Variants in ABCC4 observed in about 807,000 individuals in gnomAD.
ABCC4 encodes ATP-binding cassette sub-family C member 4.
A neutral mutation model predicts 168.5 loss-of-function variants in ABCC4; 102 were observed. That is an observed-to-expected ratio of 0.61 (90% CI 0.52 to 0.71). The LOEUF is 0.71. Among genes scored for constraint, ABCC4 ranks in the 30% least tolerant of loss-of-function variants. ABCC4 has a pLI of 0.00. For synonymous variants in ABCC4, 617 were observed against 590.7 expected, an observed-to-expected ratio of 1.04 and a Z score of -0.65; for missense variants, 1,402 against 1,605.8, an observed-to-expected ratio of 0.87 and a Z score of 2.17.
chr13:95,129,457 T>C (rs988593931), intron 19 of ABCC4, among the ~76,000 whole-genome samples: 2 of 152,212 alleles, frequency 1.3e-5, no homozygotes, highest in Non-Finnish European at 2.9e-5. Context: ...ATAATGGACA[T>C]GTTGTGGATA....
chr13:95,154,197 G>T (rs1287583302), intron 19 of ABCC4, among the ~76,000 whole-genome samples: 1 of 152,110 alleles, frequency 6.6e-6, no homozygotes, highest in Admixed American at 6.5e-5. Flanking sequence ...GGAAATGTGT[G>T]TTTTTGTTTT....
At chr13:95,116,795 A>G (rs183432270) in intron 19 of ABCC4, among the ~76,000 whole-genome samples, 8 of 152,358 alleles carry the variant, frequency 5.3e-5, no homozygotes, top group African/African-American at 1.9e-4. Flanking sequence ...CTTCAAAAAA[A>G]TGGAAGCTAT....
At position 95,171,743 on chromosome 13, in the gene ABCC4, T is replaced by C. The variant is rs191531250; in HGVS notation, c.1728-1115A>G. 5.2e-3 allele frequency among the ~76,000 whole-genome samples: 787 copies of C among 152,326 alleles called. 25 individuals carry two copies. The highest frequency in any genetic ancestry group is 0.046 in the Admixed American group (703 of 15,298). On this transcript the variant is annotated intron_variant, in intron 13 of 30. Transcript: ENST00000645237. Reference sequence around the variant, plus strand: ...AAGCAAGTATTTTAGAGACAGTGCCTGTGATCAGAACCACAACTCCAGACT... The same window carrying C: ...AAGCAAGTATTTTAGAGACAGTGCCCGTGATCAGAACCACAACTCCAGACT...
intron 1 of ABCC4, among the ~76,000 whole-genome samples, chr13:95,276,816 C>T (rs1179824573): frequency 6.6e-6 from 1 of 152,068 alleles, no homozygotes; most frequent in Non-Finnish European, 1.5e-5. Context: ...GCCAGGAGTC[C>T]GAGACCAGCC....
intron 19 of ABCC4, among the ~76,000 whole-genome samples, chr13:95,117,116 T>C (rs1260858688): frequency 6.6e-6 from 1 of 152,120 alleles, no homozygotes; most frequent in African/African-American, 2.4e-5. Flanking sequence ...TCAATTTTCT[T>C]GTCTCAGGCT....
intron 7 of ABCC4, among the ~76,000 whole-genome samples, chr13:95,207,376 G>A (rs2038812372): frequency 6.6e-6 from 1 of 152,182 alleles, no homozygotes; most frequent in South Asian, 2.1e-4. Context: ...GTATTTCCAT[G>A]CCTGTTTGGA....
At chr13:95,065,921 C>G (rs563484049) in intron 25 of ABCC4, among the ~76,000 whole-genome samples, 1 of 152,216 alleles carries the variant, frequency 6.6e-6, no homozygotes, top group Non-Finnish European at 1.5e-5. Flanking sequence ...AGGCCTTCAG[C>G]GTCTTCCCCG....
At chr13:95,171,020 A>C (rs1338717378) in intron 13 of ABCC4, among the ~76,000 whole-genome samples, 1 of 151,994 alleles carries the variant, frequency 6.6e-6, no homozygotes, top group Non-Finnish European at 1.5e-5. Flanking sequence ...ACGGTTTCTT[A>C]GATGATAATT....
At chr13:95,214,902 A>C (rs1389393805) in intron 4 of ABCC4, among the ~76,000 whole-genome samples, 3 of 151,558 alleles carry the variant, frequency 2.0e-5, no homozygotes, top group Non-Finnish European at 4.4e-5. Context: ...AAAAAAAAAA[A>C]ACACCTGTCA....
At chr13:95,290,541 C>A (rs1393476437) in intron 1 of ABCC4, among the ~76,000 whole-genome samples, 1 of 151,880 alleles carries the variant, frequency 6.6e-6, no homozygotes, top group Non-Finnish European at 1.5e-5. Flanking sequence ...CCTATCTCTA[C>A]TAAAAATACA....
chr13:95,185,994 G>A (rs1295076722), intron 11 of ABCC4, among the ~76,000 whole-genome samples: 1 of 151,954 alleles, frequency 6.6e-6, no homozygotes, highest in Non-Finnish European at 1.5e-5. Context: ...TAAAGGGAGT[G>A]GAGAAGGAAA....
At chr13:95,258,807 T>C (rs2040456385) in intron 1 of ABCC4, among the ~76,000 whole-genome samples, 1 of 152,174 alleles carries the variant, frequency 6.6e-6, no homozygotes, top group African/African-American at 2.4e-5. Context: ...CAGTAAATGA[T>C]TGAACAGATG....
At chr13:95,168,120 C>T (rs1171527288) in intron 14 of ABCC4, among the ~76,000 whole-genome samples, 4 of 152,134 alleles carry the variant, frequency 2.6e-5, no homozygotes. Flanking sequence ...CCCCCCGACA[C>T]CCTGACCTCC....
chr13:95,022,442 G>C (rs2031146179), intron 30 of ABCC4, among the ~76,000 whole-genome samples: 1 of 152,288 alleles, frequency 6.6e-6, no homozygotes, highest in South Asian at 2.1e-4. Flanking sequence ...ATGCTGTCAA[G>C]TTTCTCTGTT....
chr13:95,208,407 C>T (rs1447261797), intron 6 of ABCC4, among the ~76,000 whole-genome samples: 1 of 151,270 alleles, frequency 6.6e-6, no homozygotes, highest in Non-Finnish European at 1.5e-5. Flanking sequence ...GACTATTTCT[C>T]CAGATGGCAA....
chr13:95,062,038 C>T (rs2033319209), intron 26 of ABCC4, among the ~76,000 whole-genome samples: 1 of 152,100 alleles, frequency 6.6e-6, no homozygotes, highest in South Asian at 2.1e-4. Flanking sequence ...GCCAATTTAA[C>T]CCTCCACCAT....
At chr13:95,267,380 T>G (rs2027444) in intron 1 of ABCC4, among the ~76,000 whole-genome samples, 2 of 152,308 alleles carry the variant, frequency 1.3e-5, no homozygotes, top group East Asian at 3.9e-4. Flanking sequence ...GTGAGATGTG[T>G]CTTTCCCTTC....
chr13:95,210,462 AAAAAG>A (rs1218255732), intron 5 of ABCC4, among the ~76,000 whole-genome samples: 1 of 152,228 alleles, frequency 6.6e-6, no homozygotes, highest in Non-Finnish European at 1.5e-5. Flanking sequence ...AAATTCAAAA[AAAAAG>A]AAATTAGCTG....
intron 30 of ABCC4, among the ~76,000 whole-genome samples, chr13:95,025,320 A>C (rs1255929243): frequency 6.1e-5 from 1 of 16,488 alleles, no homozygotes; most frequent in African/African-American, 2.8e-4. Context: ...CCCCACACAC[A>C]CCCACACCCA....
Sources: gnomAD v4.1 joint callset for allele counts (sites outside exome capture counted in the v4.1 genomes callset) on GRCh38, gnomAD v4.1.1 for gene constraint, MANE v1.5 for transcripts, NCBI Gene and HGNC (gene_info 2026-07-23, HGNC 2026-07-21) for gene names.